ABCA10: variants seen among roughly 807,000 people sequenced by gnomAD.
ABCA10 encodes the protein ATP-binding cassette sub-family A member 10.
Under a neutral mutation model 187.5 loss-of-function variants are expected in ABCA10, and 169 were observed. That is an observed-to-expected ratio of 0.90 (90% confidence interval 0.80 to 1.02). ABCA10 has a LOEUF of 1.02. Ranked by LOEUF, ABCA10 falls within the 50% of genes least tolerant of loss-of-function variation. ABCA10 has a pLI of 0.00. For synonymous variants in ABCA10, 574 were observed against 601.8 expected (o/e 0.95, Z 0.68); for missense variants, 1,727 against 1,812.4 (o/e 0.95, Z 0.86).
chr17:69,155,264 C>CT, intron 29 of ABCA10, 128 bp from the exon 30 acceptor site: 1 of 644,336 alleles, frequency 1.6e-6, no homozygotes, highest in Non-Finnish European at 2.6e-6. Flanking sequence ...GCTTTAGCCT[C>CT]TTTTTTCAAA....
intron 1 of ABCA10, among the ~76,000 whole-genome samples, chr17:69,239,579 C>T (rs2074892184): frequency 6.6e-6 from 1 of 152,132 alleles, no homozygotes; most frequent in East Asian, 1.9e-4. Flanking sequence ...AAAATTTGGT[C>T]AAGTCTCTCA....
intron 1 of ABCA10, chr17:69,234,176 C>T (rs1346048219): frequency 6.6e-6 from 1 of 152,406 alleles, no homozygotes; most frequent in Admixed American, 6.5e-5. Context: ...GCTGGCTTCC[C>T]TCAGGATCTA....
chr17:69,193,183 G>C lies in ABCA10; in HGVS notation c.1707C>G (p.Leu569=), dbSNP rs2074473842. ...GTCGGTCTACTTTATGCTCCTTCAGGAGGCTCCACACTCGGTGTCTTGAAA... is the reference window on the plus strand; with the variant it reads ...GTCGGTCTACTTTATGCTCCTTCAGCAGGCTCCACACTCGGTGTCTTGAAA... ...DPFSRHRVWS[L]LKEHKVDRLI... The change falls in exon 15 of 39, where the codon CTC becomes CTG. Residue 569 remains leucine (L), a synonymous_variant. Coordinates refer to ENST00000690296, the MANE Select transcript of ABCA10 (RefSeq NM_001377321.1). 1 of 1,613,954 alleles carries C rather than the reference G, an allele frequency of 6.2e-7. No homozygotes were observed. Among genetic ancestry groups the C allele is most frequent in the East Asian group, 2.2e-5 (1 of 44,882 alleles).
chr17:69,163,643 C>T (rs537154966), intron 27 of ABCA10, among the ~76,000 whole-genome samples: 5 of 152,302 alleles, frequency 3.3e-5, no homozygotes, highest in African/African-American at 1.2e-4. Context: ...CCTTCTGCCT[C>T]ATTTGCCATA....
intron 1 of ABCA10, among the ~76,000 whole-genome samples, chr17:69,238,364 T>A (rs1335628422): frequency 2.0e-5 from 3 of 152,112 alleles, no homozygotes; most frequent in Non-Finnish European, 2.9e-5. Context: ...CCTAGAAAAC[T>A]AGTATACACA....
intron 37 of ABCA10, among the ~76,000 whole-genome samples, chr17:69,149,777 T>C (rs1249967336): frequency 6.6e-6 from 1 of 152,196 alleles, no homozygotes; most frequent in Non-Finnish European, 1.5e-5. Context: ...CTGGGCTTCC[T>C]GGTCAGCACA....
At chr17:69,243,703 G>C (rs753835964) in intron 1 of ABCA10, among the ~76,000 whole-genome samples, 11 of 152,148 alleles carry the variant, frequency 7.2e-5, no homozygotes, top group Non-Finnish European at 1.5e-4. Flanking sequence ...TTTGAGACCA[G>C]CCTGGGCAAC....
At chr17:69,188,044 T>A (rs2074435351) in intron 18 of ABCA10, among the ~76,000 whole-genome samples, 165 bp from the exon 19 acceptor site, 2 of 152,194 alleles carry the variant, frequency 1.3e-5, no homozygotes, top group Admixed American at 1.3e-4. Context: ...CAAACATATG[T>A]AATGGATTCA....
chr17:69,161,172 T>C (rs2074215037), intron 27 of ABCA10, among the ~76,000 whole-genome samples: 1 of 152,162 alleles, frequency 6.6e-6, no homozygotes, highest in Non-Finnish European at 1.5e-5. Flanking sequence ...AGATACTTTA[T>C]GATTTCATGT....
intron 16 of ABCA10, among the ~76,000 whole-genome samples, chr17:69,192,075 A>C (rs1009173931): frequency 6.6e-6 from 1 of 152,256 alleles, no homozygotes; most frequent in African/African-American, 2.4e-5. Flanking sequence ...CTGTAATCCC[A>C]GCACTTTGGG....
intron 27 of ABCA10, 119 bp downstream of exon 27, chr17:69,163,955 T>A (rs2074237053): frequency 1.5e-6 from 1 of 666,728 alleles, no homozygotes; most frequent in Non-Finnish European, 2.4e-6. Context: ...TATATTGGAA[T>A]GGAAAATACA....
intron 22 of ABCA10, among the ~76,000 whole-genome samples, chr17:69,179,243 G>C (rs2074360680): frequency 6.6e-6 from 1 of 151,446 alleles, no homozygotes; most frequent in South Asian, 2.1e-4. Flanking sequence ...CTCGTCAAAA[G>C]GGAAAAATAG....
chr17:69,212,760 C>T (rs553161634), intron 9 of ABCA10, among the ~76,000 whole-genome samples: 20 of 152,212 alleles, frequency 1.3e-4, no homozygotes, highest in African/African-American at 4.3e-4. Context: ...GTCTTTTTGT[C>T]TGATATAAGA....
chr17:69,153,379 G>C lies in ABCA10; in HGVS notation c.4062C>G (p.Ile1354Met). The C allele has an allele frequency of 6.2e-7, 1 of 1,613,710 alleles. No individual in the cohort carries two copies. Among genetic ancestry groups the C allele is most frequent in the Non-Finnish European group, 8.5e-7 (1 of 1,179,822 alleles). Residue 1354 changes from isoleucine (I) to methionine (M), a missense_variant, in exon 34 of 39, where the codon ATC becomes ATG. Coordinates refer to ENST00000690296, the MANE Select transcript of ABCA10 (RefSeq NM_001377321.1). ...GAAGCACCACTGATGGGTTCCCCAG[G>C]ATGCTCAGCACAAAGCACAGCTGCA... ...IKRKLCFVLS[I>M]LGNPSVVLLD... is the part of the protein sequence containing the mutation.
intron 25 of ABCA10, 54 bp downstream of exon 25, chr17:69,174,226 TA>T (rs2074316432): frequency 2.3e-6 from 3 of 1,331,872 alleles, no homozygotes; most frequent in Non-Finnish European, 3.1e-6. Flanking sequence ...AATTTGCATT[TA>T]AAAAAACTTC....
intron 10 of ABCA10, among the ~76,000 whole-genome samples, 191 bp from the exon 11 acceptor site, chr17:69,197,313 T>C (rs1048752314): frequency 7.9e-5 from 12 of 151,734 alleles, no homozygotes; most frequent in African/African-American, 2.9e-4. Context: ...AATACTCTTA[T>C]CAAACTTGGC....
chr17:69,225,437 G>C lies in ABCA10; in HGVS notation c.-79C>G. The C allele has an allele frequency of 2.0e-6, 3 of 1,487,602 alleles. No individual in the cohort carries two copies. Among genetic ancestry groups the C allele is most frequent in the Non-Finnish European group, 2.8e-6 (3 of 1,073,684 alleles). 92.2% of individuals were successfully genotyped at this position (1,487,602 alleles called of 1,614,324 possible). The stretch of plus-strand genomic sequence containing the variant: ...CATTAAACTGATCCACGCTTCCCAG[G>C]ACTTTAGGAGGTTGTTCAGGAAAAC... On this transcript the variant is annotated 5_prime_UTR_variant, in exon 3 of 39. Coordinates refer to ENST00000690296, the MANE Select transcript of ABCA10 (RefSeq NM_001377321.1).
chr17:69,181,357 A>G (rs1167121759), intron 22 of ABCA10, among the ~76,000 whole-genome samples: 1 of 152,166 alleles, frequency 6.6e-6, no homozygotes, highest in Non-Finnish European at 1.5e-5. Flanking sequence ...ATGGTAAACC[A>G]AAGTCAAAAT....
At chr17:69,186,430 T>C (rs972026594) in intron 19 of ABCA10, among the ~76,000 whole-genome samples, 14 of 152,204 alleles carry the variant, frequency 9.2e-5, no homozygotes, top group Admixed American at 2.6e-4. Context: ...AAAAGATCAG[T>C]CCTTGTCAAC....
Sources: allele counts gnomAD v4.1 joint callset (sites outside exome capture counted in the v4.1 genomes callset), GRCh38; gene constraint gnomAD v4.1.1; transcripts MANE v1.5; gene names NCBI Gene and HGNC (gene_info 2026-07-23, HGNC 2026-07-21).